C5orf24: variants seen among roughly 807,000 people sequenced by gnomAD.
C5orf24 encodes chromosome 5 open reading frame 24, also known as UPF0461 protein C5orf24.
Under a neutral mutation model 9.8 loss-of-function variants are expected in C5orf24, and 4 were observed. That is an observed-to-expected ratio of 0.41 (90% CI 0.20 to 0.93). The LOEUF is 0.93. C5orf24 is among the 40% of genes least tolerant of loss of function. The pLI, the probability that C5orf24 is intolerant of heterozygous loss-of-function variation, is 0.33. For missense variants in C5orf24, 170 were observed against 236.9 expected (o/e 0.72, Z 1.85); for synonymous variants, 73 against 81.3 (o/e 0.90, Z 0.55).
At chr5:134,834,329 C>T in the C5orf24 span, among the ~76,000 whole-genome samples, 2 of 152,160 alleles carry the variant, frequency 1.3e-5, no homozygotes, top group Non-Finnish European at 2.9e-5. Flanking sequence ...TTAGAGTGTC[C>T]TTGGCCTTTA....
At chr5:134,842,940 C>T (rs570110038), upstream of C5orf24, among the ~76,000 whole-genome samples, 6 of 152,244 alleles carry the variant, frequency 3.9e-5, no homozygotes, top group African/African-American at 1.2e-4. Flanking sequence ...GCAAGTCTTC[C>T]TCAGTTATTC....
At chr5:134,837,973 G>A in the C5orf24 span, among the ~76,000 whole-genome samples, 1 of 151,984 alleles carries the variant, frequency 6.6e-6, no homozygotes, top group Admixed American at 6.5e-5. Flanking sequence ...TGGGTTGGGT[G>A]TGGTTGCTCA....
chr5:134,834,959 A>G, the C5orf24 span, among the ~76,000 whole-genome samples: 1 of 151,488 alleles, frequency 6.6e-6, no homozygotes, highest in Non-Finnish European at 1.5e-5. Context: ...CAGGAGAATC[A>G]CTTGAACCTG....
At position 134,857,204 on chromosome 5, in the gene C5orf24, A is replaced by T. The variant is rs1756338065; in HGVS notation, c.*1737A>T. On this transcript the variant is annotated 3_prime_UTR_variant, in exon 2 of 2. Transcript: ENST00000394976. Reference sequence around the variant, plus strand: ...TTACAATGTTTGTATTTGGGATTTTAAATGCCTTTGAGATTAAAATGTAGA... The same window carrying T: ...TTACAATGTTTGTATTTGGGATTTTTAATGCCTTTGAGATTAAAATGTAGA... The T allele has an allele frequency of 7.8e-7, 1 of 1,290,274 alleles. No individual in the cohort carries two copies. Among genetic ancestry groups the T allele is most frequent in the African/African-American group, 1.5e-5 (1 of 66,048 alleles). The allele number at this position is 1,290,274 out of a possible 1,614,324, so 79.9% of individuals were successfully genotyped here.
At chr5:134,839,993 G>C in the C5orf24 span, among the ~76,000 whole-genome samples, 1 of 152,072 alleles carries the variant, frequency 6.6e-6, no homozygotes, top group East Asian at 1.9e-4. Flanking sequence ...ACCACACCTA[G>C]CCTAGAGTAA....
In C5orf24 at chr5:134,855,101, A is replaced by C. The variant is rs745632732; in HGVS notation, c.201A>C (p.Thr67=). The C allele has an allele frequency of 5.6e-6, 9 of 1,614,186 alleles. No homozygotes were observed. Among genetic ancestry groups the C allele is most frequent in the Non-Finnish European group, 7.6e-6 (9 of 1,180,040 alleles). The change falls in exon 2 of 2, where the codon ACA becomes ACC. Residue 67 remains threonine (T), a synonymous_variant. Transcript: ENST00000394976. ...DPLNETHLQT[T]SGRSIEIKDE... ...TAAATGAAACACACTTGCAGACTAC[A>C]AGTGGCAGAAGCATAGAAATAAAAG...
chr5:134,836,732 C>T, the C5orf24 span, among the ~76,000 whole-genome samples: 16 of 151,490 alleles, frequency 1.1e-4, no homozygotes, highest in Non-Finnish European at 7.4e-5. Flanking sequence ...TTAGTAGAGA[C>T]AGGGATTCAC....
rs1395620538 is a variant in C5orf24 at position 134,858,977 on chromosome 5, A to G, written c.*3510A>G. 3.0e-5 allele frequency: 5 copies of G among 167,062 alleles called. No individual in the cohort carries two copies. The highest frequency in any genetic ancestry group is 2.1e-4 in the South Asian group (1 of 4,834). The allele number at this position is 167,062 out of a possible 1,614,324, so 10.3% of individuals were successfully genotyped here. ...GATGTTTGTGTGAATTTACATGTCT[A>G]TTTTCATGAACTAAGAATAGAGTTT... On this transcript the variant is annotated 3_prime_UTR_variant, in exon 2 of 2. Coordinates refer to ENST00000394976, the MANE Select transcript of C5orf24 (RefSeq NM_001135586.1).
At chr5:134,836,850 T>C in the C5orf24 span, among the ~76,000 whole-genome samples, 1 of 152,160 alleles carries the variant, frequency 6.6e-6, no homozygotes, top group Non-Finnish European at 1.5e-5. Flanking sequence ...CCTGTTAAGT[T>C]TTTTATAATA....
At position 134,858,988 on chromosome 5, in the gene C5orf24, C is replaced by T. The variant is rs1343300643; in HGVS notation, c.*3521C>T. On this transcript the variant is annotated 3_prime_UTR_variant, in exon 2 of 2. Transcript: ENST00000394976. ...GAATTTACATGTCTATTTTCATGAA[C>T]TAAGAATAGAGTTTCTTTGAGTTGA... The T allele has an allele frequency of 6.0e-6, 1 of 166,412 alleles. No individual in the cohort carries two copies. Among genetic ancestry groups the T allele is most frequent in the Non-Finnish European group, 1.5e-5 (1 of 67,986 alleles). The allele number at this position is 166,412 out of a possible 1,614,324, so 10.3% of individuals were successfully genotyped here.
At chr5:134,845,957 A>T (rs1442033454), upstream of C5orf24, 2 of 152,136 alleles carry the variant, frequency 1.3e-5, no homozygotes, top group East Asian at 3.9e-4. Flanking sequence ...GAGCTCGCGC[A>T]CGCCGCCTCT....
rs1434824032 is a variant in C5orf24 at position 134,856,038 on chromosome 5, TTTA to T, written c.*574_*576del. On this transcript the variant is annotated 3_prime_UTR_variant, in exon 2 of 2. Coordinates refer to ENST00000394976, the MANE Select transcript of C5orf24 (RefSeq NM_001135586.1). ...TGTTTTAGGTTTAAGCAGCTTGTAA[TTTA>T]TTGATCTACATGGCATTAATTGATT... 2.0e-6 allele frequency: 2 copies of T among 1,002,032 alleles called. No homozygotes were observed. Among genetic ancestry groups the T allele is most frequent in the Admixed American group, 6.1e-5 (1 of 16,312 alleles). 62.1% of individuals were successfully genotyped at this position (1,002,032 alleles called of 1,614,324 possible). A position where few individuals can be genotyped will look rare whatever the true frequency, so the allele number is the denominator to read the frequency against.
In C5orf24 at chr5:134,856,887, TATGCATGAAAC is replaced by T; in HGVS notation, c.*1424_*1434del. 1.0e-6 allele frequency: 1 copy of T among 1,001,110 alleles called. No homozygotes were observed. Among genetic ancestry groups the T allele is most frequent in the Non-Finnish European group, 1.2e-6 (1 of 830,612 alleles). The allele number at this position is 1,001,110 out of a possible 1,614,324, so 62.0% of individuals were successfully genotyped here. Reference sequence around the variant, plus strand: ...ATTAAGAAGCATATAGGAATCCATCTATGCATGAAACATGTAAAAAATATGTTGGTTAGTTT... The same window carrying T: ...ATTAAGAAGCATATAGGAATCCATCTATGTAAAAAATATGTTGGTTAGTTT... On this transcript the variant is annotated 3_prime_UTR_variant, in exon 2 of 2. Transcript: ENST00000394976.
intron 1 of C5orf24, among the ~76,000 whole-genome samples, chr5:134,853,352 A>G (rs1756212905): frequency 6.9e-6 from 1 of 144,782 alleles, no homozygotes; most frequent in African/African-American, 2.5e-5. Flanking sequence ...CAAGTGCGAA[A>G]CTCCACCTAA....
the C5orf24 span, among the ~76,000 whole-genome samples, chr5:134,839,691 C>CTTT: frequency 4.4e-5 from 6 of 135,342 alleles, no homozygotes; most frequent in African/African-American, 1.4e-4. Flanking sequence ...GTAACTTTAC[C>CTTT]TTTTTTTTTT....
intron 1 of C5orf24, chr5:134,846,602 C>T (rs769003568): frequency 2.6e-5 from 4 of 152,210 alleles, no homozygotes; most frequent in Admixed American, 6.5e-5. Context: ...AACCCTTTCT[C>T]TAGGGTGGCG....
At position 134,857,017 on chromosome 5, in the gene C5orf24, GA is replaced by G; in HGVS notation, c.*1557del. On this transcript the variant is annotated 3_prime_UTR_variant, in exon 2 of 2. Transcript: ENST00000394976. The stretch of plus-strand genomic sequence containing the variant: ...TTTGCTTTAGAAGCAAGATAGAAAG[GA>G]AAAAAAGTATTAGGTAGATATGTAT... The G allele has an allele frequency of 9.8e-7, 1 of 1,018,208 alleles. No homozygotes were observed. The highest frequency in any genetic ancestry group is 1.2e-6 in the Non-Finnish European group (1 of 842,304). 63.1% of individuals were successfully genotyped at this position (1,018,208 alleles called of 1,614,324 possible).
rs1056504869 is a variant in C5orf24 at position 134,859,099 on chromosome 5, GA to G, written c.*3642del. 3.8e-5 allele frequency: 6 copies of G among 159,134 alleles called. No homozygotes were observed. Among genetic ancestry groups the G allele is most frequent in the Admixed American group, 2.1e-4 (3 of 14,496 alleles). The allele number at this position is 159,134 out of a possible 1,614,324, so 9.9% of individuals were successfully genotyped here. A position where few individuals can be genotyped will look rare whatever the true frequency, so the allele number is the denominator to read the frequency against. ...AAATAACCATAGTGTGTGAGCTAAA[GA>G]AAAAAAAAAGTAAATTTCTCCTTTA... On this transcript the variant is annotated 3_prime_UTR_variant, in exon 2 of 2. Coordinates refer to ENST00000394976, the MANE Select transcript of C5orf24 (RefSeq NM_001135586.1).
At chr5:134,838,726 C>G in the C5orf24 span, among the ~76,000 whole-genome samples, 1 of 151,600 alleles carries the variant, frequency 6.6e-6, no homozygotes, top group African/African-American at 2.4e-5. Context: ...GAGGGGATCA[C>G]TTGAGGCCAG....
Sources: gnomAD v4.1 joint callset for allele counts (sites outside exome capture counted in the v4.1 genomes callset) on GRCh38, gnomAD v4.1.1 for gene constraint, MANE v1.5 for transcripts, NCBI Gene and HGNC (gene_info 2026-07-23, HGNC 2026-07-21) for gene names.